CTNNA3: variants seen among roughly 807,000 people sequenced by gnomAD.
CTNNA3 encodes catenin alpha-3.
A neutral mutation model predicts 95.7 loss-of-function variants in CTNNA3; 76 were observed. That is an observed-to-expected ratio of 0.79 (90% CI 0.66 to 0.96). CTNNA3 has a LOEUF of 0.96. Ranked by LOEUF, CTNNA3 falls within the 40% of genes least tolerant of loss-of-function variation. CTNNA3 has a pLI of 0.00. For missense variants in CTNNA3, 1,191 were observed against 1,089.8 expected (o/e 1.09, Z -1.31); for synonymous variants, 431 against 374.4 (o/e 1.15, Z -1.74).
intron 3 of CTNNA3, among the ~76,000 whole-genome samples, chr10:67,583,212 ATG>A (rs1177317604): frequency 2.6e-5 from 4 of 152,022 alleles, no homozygotes; most frequent in African/African-American, 9.7e-5. Flanking sequence ...GTTCCTTTCC[ATG>A]TTTAGTGCTT....
intron 5 of CTNNA3, among the ~76,000 whole-genome samples, chr10:67,505,132 T>C (rs1169399254): frequency 6.6e-6 from 1 of 152,192 alleles, no homozygotes; most frequent in African/African-American, 2.4e-5. Flanking sequence ...TCCCAGGACT[T>C]GCTGCTCTGA....
At chr10:66,096,802 G>A (rs1242970219) in intron 14 of CTNNA3, among the ~76,000 whole-genome samples, 1 of 152,070 alleles carries the variant, frequency 6.6e-6, no homozygotes, top group Non-Finnish European at 1.5e-5. Context: ...GGGATTAGAG[G>A]TGTGAGTCAC....
At chr10:66,671,538 G>A (rs550158420) in intron 9 of CTNNA3, among the ~76,000 whole-genome samples, 3 of 152,204 alleles carry the variant, frequency 2.0e-5, no homozygotes, top group South Asian at 4.2e-4. Flanking sequence ...GAAAATGGCC[G>A]ATTTTAAAGT....
chr10:67,473,242 C>T (rs1227344082), intron 5 of CTNNA3, among the ~76,000 whole-genome samples: 1 of 152,158 alleles, frequency 6.6e-6, no homozygotes, highest in Non-Finnish European at 1.5e-5. Flanking sequence ...CCTCATCATA[C>T]ATGCTTTCCA....
chr10:66,590,661 T>G (rs1260606024), intron 10 of CTNNA3, among the ~76,000 whole-genome samples: 1 of 152,150 alleles, frequency 6.6e-6, no homozygotes, highest in Non-Finnish European at 1.5e-5. Context: ...ATTTATATTT[T>G]AACATAGTCA....
intron 3 of CTNNA3, among the ~76,000 whole-genome samples, chr10:67,604,420 C>T (rs540080068): frequency 3.1e-4 from 47 of 152,186 alleles, no homozygotes; most frequent in African/African-American, 1.0e-3. Context: ...AAGATAGTCC[C>T]CCTGATCCTC....
chr10:66,924,450 A>C (rs1564769670), intron 7 of CTNNA3, among the ~76,000 whole-genome samples: 1 of 152,216 alleles, frequency 6.6e-6, no homozygotes, highest in Non-Finnish European at 1.5e-5. Flanking sequence ...AGATGTTATT[A>C]TGTTCTACTT....
intron 11 of CTNNA3, among the ~76,000 whole-genome samples, chr10:66,425,102 ATTG>A (rs150676075): frequency 0.38 from 57,634 of 151,356 alleles, 11,459 homozygotes; most frequent in African/African-American, 0.5. Context: ...ATGAAAATAT[ATTG>A]TTATTTAAAA....
chr10:66,679,595 C>G (rs2132496773), intron 9 of CTNNA3, among the ~76,000 whole-genome samples: 1 of 152,232 alleles, frequency 6.6e-6, no homozygotes, highest in African/African-American at 2.4e-5. Context: ...CATTCCACTC[C>G]AATAGATTTG....
intron 13 of CTNNA3, among the ~76,000 whole-genome samples, chr10:66,228,645 A>G (rs2132002465): frequency 6.6e-6 from 1 of 152,166 alleles, no homozygotes; most frequent in South Asian, 2.1e-4. Flanking sequence ...CTACTTGTAT[A>G]TTAGGTCTAT....
intron 1 of CTNNA3, among the ~76,000 whole-genome samples, chr10:67,758,731 T>C (rs1236710323): frequency 1.3e-5 from 2 of 150,586 alleles, no homozygotes; most frequent in Non-Finnish European, 3.0e-5. Flanking sequence ...TAAGATTTCA[T>C]TCTTAATAAG....
chr10:66,488,089 C>G (rs554441956), intron 11 of CTNNA3, among the ~76,000 whole-genome samples: 2 of 152,124 alleles, frequency 1.3e-5, no homozygotes, highest in East Asian at 1.9e-4. Flanking sequence ...TTCTGCCACC[C>G]CTCCACATAC....
chr10:67,393,591 C>T (rs1390979027), intron 5 of CTNNA3, among the ~76,000 whole-genome samples: 2 of 152,098 alleles, frequency 1.3e-5, no homozygotes, highest in Admixed American at 6.5e-5. Context: ...AAACTTTTGC[C>T]GCTCATTGCC....
At chr10:67,009,672 T>C (rs1454241534) in intron 7 of CTNNA3, among the ~76,000 whole-genome samples, 5 of 152,172 alleles carry the variant, frequency 3.3e-5, no homozygotes, top group Non-Finnish European at 7.3e-5. Context: ...TATTATCTCT[T>C]TAGTCTCCTT....
At chr10:66,997,794 C>A (rs1268329803) in intron 7 of CTNNA3, among the ~76,000 whole-genome samples, 1 of 152,160 alleles carries the variant, frequency 6.6e-6, no homozygotes, top group Non-Finnish European at 1.5e-5. Context: ...ATTTCCTATT[C>A]TCTTCTTAAT....
chr10:65,970,455 C>T (rs149724254), intron 16 of CTNNA3, among the ~76,000 whole-genome samples: 74 of 151,792 alleles, frequency 4.9e-4, no homozygotes, highest in Admixed American at 1.8e-3. Flanking sequence ...TAGCCTAAAC[C>T]CCCCACTTAA....
At chr10:67,484,310 T>A (rs1273690255) in intron 5 of CTNNA3, among the ~76,000 whole-genome samples, 1 of 152,178 alleles carries the variant, frequency 6.6e-6, no homozygotes, top group African/African-American at 2.4e-5. Flanking sequence ...TAACCACATA[T>A]AAAAATTAAC....
chr10:66,097,539 C>T (rs576546711), intron 14 of CTNNA3, among the ~76,000 whole-genome samples: 1 of 152,074 alleles, frequency 6.6e-6, no homozygotes, highest in African/African-American at 2.4e-5. Context: ...TTATGAAGGT[C>T]ATATGGACAG....
At chr10:65,962,619 C>T (rs984706886) in intron 17 of CTNNA3, among the ~76,000 whole-genome samples, 5 of 151,816 alleles carry the variant, frequency 3.3e-5, no homozygotes, top group African/African-American at 9.7e-5. Context: ...AGTTTTGTTA[C>T]ATAGATATAC....
Sources: gnomAD v4.1 joint callset for allele counts (sites outside exome capture counted in the v4.1 genomes callset) on GRCh38, gnomAD v4.1.1 for gene constraint, MANE v1.5 for transcripts, NCBI Gene and HGNC (gene_info 2026-07-23, HGNC 2026-07-21) for gene names.